The following FGD6 variants were observed in gnomAD, a reference collection of about 807,000 sequenced individuals.
FGD6 encodes FYVE, RhoGEF and PH domain containing 6, also known as FYVE, RhoGEF and PH domain-containing protein 6.
Under a neutral mutation model 149.4 loss-of-function variants are expected in FGD6, and 90 were observed. The observed-to-expected ratio is 0.60, with a 90% CI of 0.51 to 0.72. The LOEUF is 0.72. Ranked by LOEUF, FGD6 falls within the 30% of genes least tolerant of loss-of-function variation. FGD6 has a pLI of 0.00. For missense variants in FGD6, 1,437 were observed against 1,684.8 expected (o/e 0.85, Z 2.57); for synonymous variants, 527 against 584.0 (o/e 0.90, Z 1.41).
Position 95,127,681 on chromosome 12 carries a change from A to G in FGD6, c.3082+7058T>C, listed in dbSNP as rs76774839. ...ATCTCATTTTCTACCAACATGAGAA[A>G]TCCTAGATTTCTAAAACCTAGAGGC... is the stretch of plus-strand genomic sequence containing the variant. On this transcript the variant is annotated intron_variant, in intron 8 of 20. Transcript: ENST00000343958. Among the ~76,000 whole-genome samples the G allele has an allele frequency of 5.7e-3, 869 of 152,364 alleles. 12 individuals are homozygous for G. Among genetic ancestry groups the G allele is most frequent in the African/African-American group, 0.02 (819 of 41,588 alleles).
At chr12:95,084,021 A>G (rs941151990) in intron 20 of FGD6, among the ~76,000 whole-genome samples, 1 of 152,230 alleles carries the variant, frequency 6.6e-6, no homozygotes, top group African/African-American at 2.4e-5. Context: ...CTACTCAGTC[A>G]CTGGAACAGC....
chr12:95,142,270 T>A (rs1879873980), intron 5 of FGD6, among the ~76,000 whole-genome samples: 1 of 151,756 alleles, frequency 6.6e-6, no homozygotes, highest in Non-Finnish European at 1.5e-5. Flanking sequence ...GCCTCCCGAG[T>A]AGCTGGGATT....
intron 2 of FGD6, among the ~76,000 whole-genome samples, chr12:95,181,123 A>C (rs1458386929): frequency 1.3e-5 from 2 of 152,208 alleles, no homozygotes; most frequent in African/African-American, 4.8e-5. Context: ...AATAATAGGT[A>C]GGAAGGGGAG....
intron 2 of FGD6, among the ~76,000 whole-genome samples, chr12:95,194,091 G>A (rs144572949): frequency 6.6e-6 from 1 of 151,736 alleles, no homozygotes; most frequent in Non-Finnish European, 1.5e-5. Context: ...GTACCATCAC[G>A]TTTTTAAATT....
intron 2 of FGD6, among the ~76,000 whole-genome samples, chr12:95,187,330 C>CAA (rs149659221): frequency 3.7e-5 from 4 of 107,246 alleles, no homozygotes; most frequent in South Asian, 3.0e-4. Context: ...GACTCCATTT[C>CAA]AAAAAAAAAA....
chr12:95,124,884 A>T (rs774597462), intron 8 of FGD6, among the ~76,000 whole-genome samples: 7 of 151,500 alleles, frequency 4.6e-5, no homozygotes, highest in Non-Finnish European at 8.8e-5. Flanking sequence ...CCCTCTTAGC[A>T]CTCCTCTCAC....
intron 1 of FGD6, among the ~76,000 whole-genome samples, chr12:95,216,829 A>C (rs533468730): frequency 6.6e-6 from 1 of 152,352 alleles, no homozygotes; most frequent in East Asian, 1.9e-4. Flanking sequence ...TTAGTGGCCA[A>C]ATTGAACACG....
At chr12:95,165,650 TC>T (rs1361348961) in intron 3 of FGD6, among the ~76,000 whole-genome samples, 2 of 151,500 alleles carry the variant, frequency 1.3e-5, no homozygotes, top group Non-Finnish European at 2.9e-5. Flanking sequence ...TTTTGTTTTT[TC>T]CTAAGTGAGA....
chr12:95,094,563 G>T (rs1253800303), intron 15 of FGD6, 29 bp downstream of exon 15: 2 of 1,272,932 alleles, frequency 1.6e-6, no homozygotes, highest in Non-Finnish European at 1.1e-6. Flanking sequence ...AAATGCACTG[G>T]AAAAAAAAAA....
At position 95,217,271 on chromosome 12, in the gene FGD6, G is replaced by C; in HGVS notation, c.-31C>G. ...CCCGGTGCAGCTCGCTTCCCCGCTC[G>C]GCCCCTCAATCCATCTTCCCCTTTC... On this transcript the variant is annotated 5_prime_UTR_variant, in exon 1 of 21. Transcript: ENST00000343958. 1.2e-6 allele frequency: 2 copies of C among 1,600,908 alleles called. No individual in the cohort carries two copies. The highest frequency in any genetic ancestry group is 1.7e-6 in the Non-Finnish European group (2 of 1,171,254).
rs767171191 is a variant in FGD6 at position 95,141,379 on chromosome 12, C to A, written c.2837+9G>T. On this transcript the variant is annotated intron_variant, in intron 6 of 20. Coordinates refer to ENST00000343958, the MANE Select transcript of FGD6 (RefSeq NM_018351.4). ...ACACTAGGAAAATCTGAAAACGGTCCATTTTTACCAGTGCAACATTCTTTC... is the reference window on the plus strand; with the variant it reads ...ACACTAGGAAAATCTGAAAACGGTCAATTTTTACCAGTGCAACATTCTTTC... 4 of 1,609,676 alleles carry A rather than the reference C, an allele frequency of 2.5e-6. No homozygotes were observed. Among genetic ancestry groups the A allele is most frequent in the Non-Finnish European group, 3.4e-6 (4 of 1,177,466 alleles).
rs541176908 is a variant in FGD6, at chr12:95,185,601, G to A, written c.2442-12857C>T. 5.3e-5 allele frequency among the ~76,000 whole-genome samples: 8 copies of A among 152,284 alleles called. No individual in the cohort carries two copies. The South Asian group carries it at 6.2e-4, about 12-fold the overall frequency. ...TAATAGGCCGGGCGCAGTGGCTTACGCCTGTAATCCCAGCATTTTGGGAGG... is the reference window on the plus strand; with the variant it reads ...TAATAGGCCGGGCGCAGTGGCTTACACCTGTAATCCCAGCATTTTGGGAGG... On this transcript the variant is annotated intron_variant, in intron 2 of 20. Transcript: ENST00000343958.
Position 95,081,385 on chromosome 12 carries a change from A to G in FGD6, c.*135T>C. 3 of 580,628 alleles carry G rather than the reference A, an allele frequency of 5.2e-6. No individual in the cohort carries two copies. The highest frequency in any genetic ancestry group is 7.9e-6 in the Non-Finnish European group (3 of 379,422). The allele number at this position is 580,628 out of a possible 1,614,324, so 36.0% of individuals were successfully genotyped here. On this transcript the variant is annotated 3_prime_UTR_variant, in exon 21 of 21. Coordinates refer to ENST00000343958, the MANE Select transcript of FGD6 (RefSeq NM_018351.4). ...TTAAAAATTGCTTATACCTAACAAA[A>G]CAATTTCTTTGATGAAGGGTCTGGT... is the stretch of plus-strand genomic sequence containing the variant.
intron 3 of FGD6, among the ~76,000 whole-genome samples, chr12:95,170,074 T>C (rs1880946167): frequency 6.6e-6 from 1 of 151,936 alleles, no homozygotes; most frequent in East Asian, 1.9e-4. Context: ...TGAGCCGAGA[T>C]AGTGCCACTG....
At chr12:95,106,774 G>A (rs1878638510) in intron 13 of FGD6, among the ~76,000 whole-genome samples, 180 bp downstream of exon 13, 1 of 151,978 alleles carries the variant, frequency 6.6e-6, no homozygotes, top group African/African-American at 2.4e-5. Context: ...GGTGCCTGTA[G>A]TCCCAGCTAC....
rs551044877 is a variant in FGD6 at position 95,094,602 on chromosome 12, C to T, written c.3590G>A (p.Ser1197Asn). 11 of 1,602,278 alleles carry T rather than the reference C, an allele frequency of 6.9e-6. No individual in the cohort carries two copies. In the South Asian group the frequency reaches 1.2e-4, roughly 18 times the overall value. Residue 1197 changes from serine (S) to asparagine (N), a missense_variant, in exon 15 of 21, where the codon AGT (serine) becomes AAT (asparagine). Around this residue, in one of 2 missense-constraint regions of FGD6, gnomAD observed 382 missense variants for 538.7 expected, o/e 0.71. Coordinates refer to ENST00000343958, the MANE Select transcript of FGD6 (RefSeq NM_018351.4). ...AGGAGAAAACAATACCTCATCAAGA[C>T]TCCTACTAGGACAGAAGGTGATTCT... Reference protein sequence around the residue: ...KKRITFCPSRSLDEADSENKE... With the variant: ...KKRITFCPSRNLDEADSENKE...
At chr12:95,108,312 G>T (rs776407644) in intron 11 of FGD6, 36 bp downstream of exon 11, 1 of 1,577,746 alleles carries the variant, frequency 6.3e-7, no homozygotes, top group African/African-American at 1.3e-5. Flanking sequence ...TAAATGCATC[G>T]TATTAAGTTT....
chr12:95,132,048 T>C (rs1879536797), intron 8 of FGD6, among the ~76,000 whole-genome samples: 1 of 151,954 alleles, frequency 6.6e-6, no homozygotes, highest in South Asian at 2.1e-4. Flanking sequence ...CATAAATAAA[T>C]AAATAAATAA....
chr12:95,134,605 T>A, intron 8 of FGD6, 134 bp downstream of exon 8: 1 of 766,676 alleles, frequency 1.3e-6, no homozygotes, highest in South Asian at 1.5e-5. Context: ...ATAAGCAATC[T>A]ACAAATCCAC....
Sources: allele counts gnomAD v4.1 joint callset (sites outside exome capture counted in the v4.1 genomes callset), GRCh38; gene constraint gnomAD v4.1.1; regional missense constraint gnomAD v4.1.1; transcripts MANE v1.5; gene names NCBI Gene and HGNC (gene_info 2026-07-23, HGNC 2026-07-21).